Variants in ADCY1 observed in about 807,000 individuals in gnomAD.
ADCY1 encodes the protein adenylate cyclase 1, also known as adenylate cyclase type 1.
In ADCY1, 28 loss-of-function variants were observed where a neutral mutation model predicts 105.4. That is an observed-to-expected ratio of 0.27 (90% CI 0.20 to 0.36). The LOEUF is 0.36. Among genes scored for constraint, ADCY1 ranks in the 10% least tolerant of loss-of-function variants. ADCY1 has a pLI of 1.00. For synonymous variants in ADCY1, 655 were observed against 623.8 expected (o/e 1.05, Z -0.75); for missense variants, 977 against 1,434.2 (o/e 0.68, Z 5.15).
intron 1 of ADCY1, among the ~76,000 whole-genome samples, chr7:45,576,567 G>A (rs1792354914): frequency 6.6e-6 from 1 of 152,148 alleles, no homozygotes; most frequent in African/African-American, 2.4e-5. Context: ...AAAGGCTGAG[G>A]AAAGGGGAAA....
chr7:45,640,729 AT>A (rs1794508109), intron 4 of ADCY1, among the ~76,000 whole-genome samples: 2 of 152,126 alleles, frequency 1.3e-5, no homozygotes, highest in Admixed American at 1.3e-4. Flanking sequence ...TGTTATCTTT[AT>A]TTTCTATAGG....
chr7:45,590,639 A>G (rs997054873), intron 1 of ADCY1, among the ~76,000 whole-genome samples: 3 of 152,108 alleles, frequency 2.0e-5, no homozygotes, highest in East Asian at 1.9e-4. Context: ...AGCTCTGTCA[A>G]ATGCACCGAG....
At chr7:45,689,185 C>T (rs1489062852) in intron 14 of ADCY1, among the ~76,000 whole-genome samples, 2 of 151,944 alleles carry the variant, frequency 1.3e-5, no homozygotes, top group Non-Finnish European at 2.9e-5. Context: ...CGGGGAAGTG[C>T]TGCTGTGTGG....
chr7:45,683,772 A>AGGG (rs1784610118), intron 11 of ADCY1, among the ~76,000 whole-genome samples: 1 of 152,186 alleles, frequency 6.6e-6, no homozygotes, highest in Non-Finnish European at 1.5e-5. Flanking sequence ...GCCCACAGGT[A>AGGG]GGGGTTCAGG....
rs1464215246 is a variant in ADCY1, at chr7:45,668,099, G to T, written c.1605+5885G>T. On this transcript the variant is annotated intron_variant, in intron 8 of 19. Transcript: ENST00000297323. ...ACAGGGACAATTTGACTTCCTCTTT[G>T]CCTAATTGAATACCCTTTATTTCCT... Among the ~76,000 whole-genome samples, 21 of 152,164 alleles carry T rather than the reference G, an allele frequency of 1.4e-4. No individual in the cohort carries two copies. The East Asian group carries it at 2.5e-3, about 18-fold the overall frequency.
At chr7:45,624,788 T>C (rs934300918) in intron 4 of ADCY1, among the ~76,000 whole-genome samples, 3 of 152,176 alleles carry the variant, frequency 2.0e-5, no homozygotes, top group Non-Finnish European at 2.9e-5. Flanking sequence ...AAGCTGGTCA[T>C]CTTGGGAACT....
At chr7:45,682,016 C>T (rs1279693673) in intron 11 of ADCY1, among the ~76,000 whole-genome samples, 1 of 152,216 alleles carries the variant, frequency 6.6e-6, no homozygotes, top group East Asian at 1.9e-4. Flanking sequence ...GGTATGTCAA[C>T]TCCAGGCTTG....
chr7:45,653,735 T>C (rs1794870890), intron 5 of ADCY1, among the ~76,000 whole-genome samples: 1 of 152,216 alleles, frequency 6.6e-6, no homozygotes, highest in Admixed American at 6.5e-5. Context: ...ACCCACCTTC[T>C]TCTGCTCATA....
Position 45,574,622 on chromosome 7 carries a change from A to G in ADCY1, c.79A>G (p.Thr27Ala). ...EPGGAERAAG[T>A]SRRRGLRACD... is the part of the protein sequence containing the mutation. The stretch of plus-strand genomic sequence containing the variant: ...CGGGGGCGCCGAGCGGGCGGCCGGG[A>G]CAAGCCGCCGGCGCGGGCTCCGGGC... Residue 27 changes from threonine (T) to alanine (A), a missense_variant, in exon 1 of 20, where the codon ACA becomes GCA. Transcript: ENST00000297323. The surrounding 1 kb of genome is among the most constrained non-coding windows in gnomAD (Gnocchi z 7.0). The G allele has an allele frequency of 8.4e-7, 1 of 1,186,152 alleles. No individual in the cohort carries two copies. 73.5% of individuals were successfully genotyped at this position (1,186,152 alleles called of 1,614,324 possible).
At chr7:45,610,825 T>G (rs1395266938) in intron 3 of ADCY1, among the ~76,000 whole-genome samples, 5 of 11,890 alleles carry the variant, frequency 4.2e-4, no homozygotes, top group African/African-American at 1.0e-3. Flanking sequence ...GGTATGGAGG[T>G]GATAGTGGAG....
intron 4 of ADCY1, among the ~76,000 whole-genome samples, chr7:45,635,227 G>A (rs1043984101): frequency 6.6e-6 from 1 of 150,510 alleles, no homozygotes; most frequent in African/African-American, 2.4e-5. Flanking sequence ...CTATAGTGAT[G>A]TCACCTCTTT....
At chr7:45,682,978 G>A (rs540704975) in intron 11 of ADCY1, among the ~76,000 whole-genome samples, 1 of 152,266 alleles carries the variant, frequency 6.6e-6, no homozygotes, top group East Asian at 1.9e-4. Flanking sequence ...AGACGGTCAG[G>A]AAATGGTGCC....
At chr7:45,623,603 C>T (rs900050246) in intron 4 of ADCY1, among the ~76,000 whole-genome samples, 12 of 152,220 alleles carry the variant, frequency 7.9e-5, no homozygotes, top group East Asian at 5.8e-4. Context: ...CGTTTTCCTC[C>T]GCTGCCCATG....
In ADCY1 at chr7:45,576,029, C is replaced by T. The variant is rs7804581; in HGVS notation, c.639+847C>T. 6.4e-3 allele frequency among the ~76,000 whole-genome samples: 914 copies of T among 142,886 alleles called. 9 individuals carry two copies. The highest frequency in any genetic ancestry group is 0.023 in the African/African-American group (866 of 38,272). The allele number at this position is 142,886 out of a possible 152,430, so 93.7% of individuals were successfully genotyped here. ...CCTTGTGCCCATCTCCAACGGGCCG[C>T]AGGGATGGGGCTGGGGAGTTGGGGG... On this transcript the variant is annotated intron_variant, in intron 1 of 19. Transcript: ENST00000297323.
At chr7:45,651,414 AG>A (rs1254768788) in intron 5 of ADCY1, among the ~76,000 whole-genome samples, 1 of 152,196 alleles carries the variant, frequency 6.6e-6, no homozygotes, top group Non-Finnish European at 1.5e-5. Context: ...GTTTATCAAC[AG>A]GGGGAGCTTG....
intron 1 of ADCY1, among the ~76,000 whole-genome samples, chr7:45,579,762 A>C (rs1349551718): frequency 1.3e-5 from 2 of 152,070 alleles, no homozygotes; most frequent in African/African-American, 2.4e-5. Flanking sequence ...CCTTGGCTGG[A>C]CACTCTTCCT....
chr7:45,628,672 A>C (rs1002835131), intron 4 of ADCY1, among the ~76,000 whole-genome samples: 1 of 152,118 alleles, frequency 6.6e-6, no homozygotes, highest in Non-Finnish European at 1.5e-5. Context: ...ATACAAAGGG[A>C]ATCTGTCAAT....
chr7:45,706,957 C>T (rs559589105), intron 17 of ADCY1, among the ~76,000 whole-genome samples: 1 of 152,310 alleles, frequency 6.6e-6, no homozygotes, highest in South Asian at 2.1e-4. Flanking sequence ...TGAAAGGATG[C>T]TCAGCATTGT....
At position 45,647,277 on chromosome 7, in the gene ADCY1, G is replaced by T. The variant is rs1794686535; in HGVS notation, c.1021-1393G>T. On this transcript the variant is annotated intron_variant, in intron 4 of 19. Coordinates refer to ENST00000297323, the MANE Select transcript of ADCY1 (RefSeq NM_021116.4). This position sits in a 1 kb window ranked among gnomAD's most constrained non-coding sequence, Gnocchi z 4.6. Reference sequence around the variant, plus strand: ...GGAACTGGGGCTCCCAGCGGTCGGTGTGGCCTGTCCCTGTCCTGACTCACT... The same window carrying T: ...GGAACTGGGGCTCCCAGCGGTCGGTTTGGCCTGTCCCTGTCCTGACTCACT... Among the ~76,000 whole-genome samples, 1 of 152,232 alleles carries T rather than the reference G, an allele frequency of 6.6e-6. No homozygotes were observed. Among genetic ancestry groups the T allele is most frequent in the African/African-American group, 2.4e-5 (1 of 41,468 alleles).
Sources: allele counts gnomAD v4.1 joint callset (sites outside exome capture counted in the v4.1 genomes callset), GRCh38; gene constraint gnomAD v4.1.1; non-coding constraint Gnocchi (gnomAD v3.1); transcripts MANE v1.5; gene names NCBI Gene and HGNC (gene_info 2026-07-23, HGNC 2026-07-21).